The following ATXN7L1 variants were observed in gnomAD, a reference collection of about 807,000 sequenced individuals.
The protein encoded by ATXN7L1 is ataxin-7-like protein 1.
Under a neutral mutation model 70.8 loss-of-function variants are expected in ATXN7L1, and 15 were observed. That is an observed-to-expected ratio of 0.21 (90% CI 0.14 to 0.33). The LOEUF is 0.33. Ranked by LOEUF, ATXN7L1 falls within the 10% of genes least tolerant of loss-of-function variation. The pLI is 1.00. For synonymous variants in ATXN7L1, 440 were observed against 445.1 expected, an observed-to-expected ratio of 0.99 and a Z score of 0.14; for missense variants, 975 against 1,097.1, an observed-to-expected ratio of 0.89 and a Z score of 1.57.
intron 2 of ATXN7L1, among the ~76,000 whole-genome samples, chr7:105,865,691 GCA>G (rs1554487201): frequency 6.6e-6 from 1 of 152,090 alleles, no homozygotes; most frequent in Non-Finnish European, 1.5e-5. Flanking sequence ...GTGAGCCACT[GCA>G]CCCGGGCCAT....
intron 3 of ATXN7L1, among the ~76,000 whole-genome samples, chr7:105,768,479 C>T (rs1358697713): frequency 6.6e-6 from 1 of 152,146 alleles, no homozygotes; most frequent in Non-Finnish European, 1.5e-5. Flanking sequence ...GCCTGTACTC[C>T]AGCTCTCAGA....
rs74569186 is a variant in ATXN7L1, at chr7:105,702,615, G to C, written c.356-37327C>G. 4.7e-3 allele frequency among the ~76,000 whole-genome samples: 719 copies of C among 152,120 alleles called. 4 individuals are homozygous for C. The highest frequency in any genetic ancestry group is 0.017 in the African/African-American group (699 of 41,484). On this transcript the variant is annotated intron_variant, in intron 3 of 11. Coordinates refer to ENST00000419735, the MANE Select transcript of ATXN7L1 (RefSeq NM_020725.2). ...CGAATCACATCTTTTAAATAGGAAAGAGAAATGCAGCAGGGTAACAATGCC... is the reference window on the plus strand; with the variant it reads ...CGAATCACATCTTTTAAATAGGAAACAGAAATGCAGCAGGGTAACAATGCC...
At position 105,620,243 on chromosome 7, in the gene ATXN7L1, G is replaced by T; in HGVS notation, c.1474C>A (p.Leu492Ile). The change falls in exon 9 of 12, where the codon CTA becomes ATA. Residue 492 changes from leucine to isoleucine, a missense_variant. Leu to Ile is a conservative substitution (Grantham distance 5). Transcript: ENST00000419735. ...AGGTGTTTTTCTACCATGGAGTTTA[G>T]TGCGAATCGAAAACGATCCCATCTT... Reference protein sequence around the residue: ...DRRWDRFRFALNSMVEKHLNS... With the variant: ...DRRWDRFRFAINSMVEKHLNS... The T allele has an allele frequency of 6.4e-7, 1 of 1,551,484 alleles. No homozygotes were observed. The highest frequency in any genetic ancestry group is 8.7e-7 in the Non-Finnish European group (1 of 1,146,862).
chr7:105,623,140 A>C (rs1795179129), intron 8 of ATXN7L1, among the ~76,000 whole-genome samples: 1 of 152,210 alleles, frequency 6.6e-6, no homozygotes, highest in African/African-American at 2.4e-5. Context: ...ACAGGTAAGC[A>C]TTATCCCCAG....
At chr7:105,733,936 C>CCATCCATCCATCATCCAT (rs1584874516) in intron 3 of ATXN7L1, among the ~76,000 whole-genome samples, 351 of 91,376 alleles carry the variant, frequency 3.8e-3, no homozygotes, top group Non-Finnish European at 5.1e-3. Flanking sequence ...CATCCATCAT[C>CCATCCATCCATCATCCAT]CATCCATCCA....
intron 2 of ATXN7L1, 102 bp from the exon 3 acceptor site, chr7:105,788,810 C>A: frequency 1.1e-6 from 1 of 921,600 alleles, no homozygotes; most frequent in South Asian, 1.4e-5. Context: ...TTTTCAAACA[C>A]AACACGCAGA....
At position 105,636,285 on chromosome 7, in the gene ATXN7L1, C is replaced by T. The variant is rs533837636; in HGVS notation, c.1202+2068G>A. On this transcript the variant is annotated intron_variant, in intron 7 of 11. Coordinates refer to ENST00000419735, the MANE Select transcript of ATXN7L1 (RefSeq NM_020725.2). ...CGGCACACGCCTGTAATCCCAGCTA[C>T]TTGGGAGGCTGAGGCAGGAGAATTG... Among the ~76,000 whole-genome samples the T allele has an allele frequency of 4.6e-5, 7 of 151,768 alleles. No individual in the cohort carries two copies. In the South Asian group the frequency reaches 1.5e-3, roughly 32 times the overall value.
intron 3 of ATXN7L1, among the ~76,000 whole-genome samples, chr7:105,752,306 GCTGAAGGAGGATC>G: frequency 6.6e-6 from 1 of 152,242 alleles, no homozygotes; most frequent in African/African-American, 2.4e-5. Context: ...AGTCAGAGAA[GCTGAAGGAGGATC>G]CAGAAGGTGG....
chr7:105,609,323 C>A (rs1256007149), intron 11 of ATXN7L1, among the ~76,000 whole-genome samples: 1 of 152,060 alleles, frequency 6.6e-6, no homozygotes, highest in East Asian at 1.9e-4. Flanking sequence ...GTGCGCACCA[C>A]CATGCCCAGC....
intron 2 of ATXN7L1, among the ~76,000 whole-genome samples, chr7:105,812,658 T>A (rs1189151741): frequency 6.6e-6 from 1 of 152,196 alleles, no homozygotes; most frequent in Non-Finnish European, 1.5e-5. Flanking sequence ...AGATATTTAC[T>A]AAGCACCCAC....
intron 5 of ATXN7L1, among the ~76,000 whole-genome samples, chr7:105,641,673 C>T (rs1798280486): frequency 6.6e-6 from 1 of 152,260 alleles, no homozygotes; most frequent in African/African-American, 2.4e-5. Flanking sequence ...ACCAAGCTTT[C>T]CATGCAGGAA....
At chr7:105,803,246 G>A (rs900291649) in intron 2 of ATXN7L1, among the ~76,000 whole-genome samples, 36 of 152,370 alleles carry the variant, frequency 2.4e-4, no homozygotes, top group Admixed American at 3.9e-4. Flanking sequence ...GCAGTGGGCC[G>A]AAGCAGAGGG....
intron 2 of ATXN7L1, among the ~76,000 whole-genome samples, chr7:105,850,700 G>C (rs552882122): frequency 1.3e-5 from 2 of 152,260 alleles, no homozygotes; most frequent in South Asian, 4.2e-4. Context: ...CACAGAAGGG[G>C]TACCCATGCT....
At chr7:105,609,386 C>A (rs901652504) in intron 11 of ATXN7L1, among the ~76,000 whole-genome samples, 2 of 152,196 alleles carry the variant, frequency 1.3e-5, no homozygotes, top group Non-Finnish European at 2.9e-5. Flanking sequence ...CAAGGCTAGT[C>A]TCAAACTCCT....
At chr7:105,661,686 A>G (rs1344525830) in intron 4 of ATXN7L1, among the ~76,000 whole-genome samples, 2 of 152,200 alleles carry the variant, frequency 1.3e-5, no homozygotes, top group Non-Finnish European at 2.9e-5. Context: ...CTAAGGCTCA[A>G]AACCAAATCA....
chr7:105,756,947 C>T (rs1312995464), intron 3 of ATXN7L1, among the ~76,000 whole-genome samples: 2 of 151,876 alleles, frequency 1.3e-5, no homozygotes, highest in African/African-American at 4.8e-5. Context: ...ATTAAATATG[C>T]CTGAATTAAA....
At chr7:105,733,846 CCAT>C (rs1797036521) in intron 3 of ATXN7L1, among the ~76,000 whole-genome samples, 1 of 76,954 alleles carries the variant, frequency 1.3e-5, no homozygotes, top group Admixed American at 1.1e-4. Flanking sequence ...GTCCACCCAT[CCAT>C]CCATCCATCC....
rs1461925016 is a variant in ATXN7L1, at chr7:105,642,886, G to A, written c.814C>T (p.His272Tyr). The stretch of plus-strand genomic sequence containing the variant: ...TTGCTGTTTTTGGTGCCATTTTGGT[G>A]TTTCTTGTCTATGGTGGTTGGCAGA... ...GILPTTIDKK[H>Y]QNGTKNSNKP... The change falls in exon 5 of 12, where the codon CAC becomes TAC. Residue 272 changes from histidine to tyrosine, a missense_variant. By Grantham distance (83) the His-to-Tyr change is moderately conservative (BLOSUM62 2). This residue lies in a region of ATXN7L1 where 192 missense variants were observed against 215.5 expected (regional missense o/e 0.89). Coordinates refer to ENST00000419735, the MANE Select transcript of ATXN7L1 (RefSeq NM_020725.2). The A allele has an allele frequency of 6.4e-7, 1 of 1,551,680 alleles. No homozygotes were observed. Among genetic ancestry groups the A allele is most frequent in the South Asian group, 1.2e-5 (1 of 84,064 alleles).
At position 105,614,906 on chromosome 7, in the gene ATXN7L1, C is replaced by T; in HGVS notation, c.1518-90G>A. 1 of 1,418,606 alleles carries T rather than the reference C, an allele frequency of 7.0e-7. No individual in the cohort carries two copies. The highest frequency in any genetic ancestry group is 9.4e-7 in the Non-Finnish European group (1 of 1,059,894). 87.9% of individuals were successfully genotyped at this position (1,418,606 alleles called of 1,614,324 possible). On this transcript the variant is annotated intron_variant, in intron 9 of 11. Coordinates refer to ENST00000419735, the MANE Select transcript of ATXN7L1 (RefSeq NM_020725.2). The surrounding 1 kb of genome is among the most constrained non-coding windows in gnomAD (Gnocchi z 4.3). The stretch of plus-strand genomic sequence containing the variant: ...CGATGACGTTTGAGGATCAGGGCTA[C>T]AGAGGACACCCCGGCAGAACCAGAC...
Sources: allele counts gnomAD v4.1 joint callset (sites outside exome capture counted in the v4.1 genomes callset), GRCh38; gene constraint gnomAD v4.1.1; regional missense constraint gnomAD v4.1.1; non-coding constraint Gnocchi (gnomAD v3.1); transcripts MANE v1.5; gene names NCBI Gene and HGNC (gene_info 2026-07-23, HGNC 2026-07-21).